The following PKDCC variants were observed in gnomAD, a reference collection of about 807,000 sequenced individuals.
PKDCC encodes extracellular tyrosine-protein kinase PKDCC.
In PKDCC, 35 loss-of-function variants were observed where a neutral mutation model predicts 44.7. That is an observed-to-expected ratio of 0.78 (90% CI 0.60 to 1.04). The LOEUF (loss-of-function observed/expected upper bound fraction) is 1.04. Among genes scored for constraint, PKDCC ranks in the 50% least tolerant of loss-of-function variants. PKDCC has a pLI of 0.00. For synonymous variants in PKDCC, 353 were observed against 303.3 expected (o/e 1.16, Z -1.70); for missense variants, 738 against 672.7 (o/e 1.10, Z -1.07).
chr2:42,050,181 C>G (rs1373437266), intron 1 of PKDCC, among the ~76,000 whole-genome samples: 2 of 152,208 alleles, frequency 1.3e-5, no homozygotes, highest in South Asian at 4.1e-4. Flanking sequence ...GGAGCTCGGG[C>G]AGAACCAACA....
rs775368250 is a variant in PKDCC, at chr2:42,057,898, G to A, written c.*210G>A. The A allele has an allele frequency of 6.4e-5, 37 of 575,308 alleles. No individual in the cohort carries two copies. The highest frequency in any genetic ancestry group is 1.1e-4 in the Non-Finnish European group (34 of 322,662). 35.6% of individuals were successfully genotyped at this position (575,308 alleles called of 1,614,324 possible). A position where few individuals can be genotyped will look rare whatever the true frequency, so the allele number is the denominator to read the frequency against. Reference sequence around the variant, plus strand: ...TACCAGCCTAGCTATGGGACTGCTGGCTCCTAGTCCAGGAATCATGGGGGT... The same window carrying A: ...TACCAGCCTAGCTATGGGACTGCTGACTCCTAGTCCAGGAATCATGGGGGT... On this transcript the variant is annotated 3_prime_UTR_variant, in exon 7 of 7. Coordinates refer to ENST00000294964, the MANE Select transcript of PKDCC (RefSeq NM_138370.3).
In PKDCC at chr2:42,051,282, C is replaced by G. The variant is rs1667962904; in HGVS notation, c.640-1957C>G. Among the ~76,000 whole-genome samples the G allele has an allele frequency of 6.6e-6, 1 of 151,654 alleles. No homozygotes were observed. ...CACTCCCTCACGTGACTTGACTCCT[C>G]TATAGCCCAGGGCCAAAGGGCACAA... is the stretch of plus-strand genomic sequence containing the variant. On this transcript the variant is annotated intron_variant, in intron 1 of 6. Transcript: ENST00000294964. This position sits in a 1 kb window ranked among gnomAD's most constrained non-coding sequence, Gnocchi z 4.2.
Position 42,055,373 on chromosome 2 carries a change from CCA to C in PKDCC, c.1204_1205del (p.Thr402GlyfsTer40). On this transcript the variant is annotated frameshift_variant, in exon 5 of 7. Transcript: ENST00000294964. LOFTEE classifies it high-confidence loss of function. This position sits in a 1 kb window ranked among gnomAD's most constrained non-coding sequence, Gnocchi z 4.5. ...CGGAGCGGGCAGTATCTGCAGAACT[CCA>C]CGGCAAGCAGCAGTACCGGTGAGTG... 1.9e-6 allele frequency: 3 copies of C among 1,613,604 alleles called. No individual in the cohort carries two copies. Among genetic ancestry groups the C allele is most frequent in the Non-Finnish European group, 2.5e-6 (3 of 1,179,964 alleles).
At chr2:42,053,849 A>C (rs528746228) in intron 2 of PKDCC, among the ~76,000 whole-genome samples, 187 bp from the exon 3 acceptor site, 1 of 152,126 alleles carries the variant, frequency 6.6e-6, no homozygotes, top group Non-Finnish European at 1.5e-5. Flanking sequence ...GCCGAGAGTT[A>C]ATAGAAAATC....
chr2:42,053,445 A>G, intron 2 of PKDCC, 84 bp downstream of exon 2: 2 of 1,489,082 alleles, frequency 1.3e-6, no homozygotes, highest in South Asian at 1.4e-5. Context: ...AGCAGCTCCC[A>G]CTCCTCCTCC....
Position 42,054,423 on chromosome 2 carries a change from G to T in PKDCC, c.1034+116G>T, listed in dbSNP as rs528942462. 75 of 1,242,938 alleles carry T rather than the reference G, an allele frequency of 6.0e-5. 2 individuals carry two copies. The South Asian group carries it at 1.1e-3, about 18-fold the overall frequency. 77.0% of individuals were successfully genotyped at this position (1,242,938 alleles called of 1,614,324 possible). On this transcript the variant is annotated intron_variant, in intron 3 of 6. Transcript: ENST00000294964. This position sits in a 1 kb window ranked among gnomAD's most constrained non-coding sequence, Gnocchi z 6.1. ...GCAGGGAGACTCAGCCTTGACCAGA[G>T]CAAGGGAAGGCTTCTACCCTGTCCA...
In PKDCC at chr2:42,048,387, G is replaced by T; in HGVS notation, c.188G>T (p.Arg63Leu). Residue 63 changes from arginine to leucine, a missense_variant, in exon 1 of 7, where the codon CGC becomes CTC. Arg to Leu is a moderately radical substitution (Grantham distance 102). Transcript: ENST00000294964. The surrounding 1 kb of genome is among the most constrained non-coding windows in gnomAD (Gnocchi z 6.2). ...GAGCTGGCCCGGCAGATCCGGGCGC[G>T]CTACGAGGAGGTGCAGCGCTATTCC... is the stretch of plus-strand genomic sequence containing the variant. ...RGELARQIRA[R>L]YEEVQRYSRG... 12 of 1,155,700 alleles carry T rather than the reference G, an allele frequency of 1.0e-5. No homozygotes were observed. Among genetic ancestry groups the T allele is most frequent in the Admixed American group, 4.9e-5 (1 of 20,506 alleles). 71.6% of individuals were successfully genotyped at this position (1,155,700 alleles called of 1,614,324 possible).
chr2:42,057,485 G>A (rs1351335201), intron 6 of PKDCC, 91 bp downstream of exon 6: 1 of 1,572,138 alleles, frequency 6.4e-7, no homozygotes, highest in East Asian at 2.3e-5. Flanking sequence ...GTCAGAGGGG[G>A]TGCTGAGGTG....
At chr2:42,057,567 C>A (rs1289386635) in intron 6 of PKDCC, 36 bp from the exon 7 acceptor site, 9 of 1,602,910 alleles carry the variant, frequency 5.6e-6, no homozygotes, top group Non-Finnish European at 7.7e-6. Flanking sequence ...GAAAGAGAAA[C>A]ATCCAGCCCT....
chr2:42,049,107 G>A (rs1288853250), intron 1 of PKDCC, among the ~76,000 whole-genome samples: 1 of 152,132 alleles, frequency 6.6e-6, no homozygotes, highest in Non-Finnish European at 1.5e-5. Context: ...AAACTCAGGG[G>A]GTGGGGCAGT....
chr2:42,051,692 C>A lies in PKDCC; in HGVS notation c.640-1547C>A, dbSNP rs1279736816. On this transcript the variant is annotated intron_variant, in intron 1 of 6. Transcript: ENST00000294964. The surrounding 1 kb of genome is among the most constrained non-coding windows in gnomAD (Gnocchi z 4.2). The stretch of plus-strand genomic sequence containing the variant: ...CACCAGGGTCTGGGGCTTCCCTGGA[C>A]TGATGGGGAGGGGGTGGAGAGAGAA... 6.6e-6 allele frequency among the ~76,000 whole-genome samples: 1 copy of A among 152,070 alleles called. No individual in the cohort carries two copies. The highest frequency in any genetic ancestry group is 2.4e-5 in the African/African-American group (1 of 41,408).
chr2:42,056,572 G>C (rs935775613), intron 5 of PKDCC, among the ~76,000 whole-genome samples: 19 of 152,104 alleles, frequency 1.2e-4, no homozygotes, highest in African/African-American at 4.3e-4. Context: ...TAGAAGTACA[G>C]ATTCTCAGTT....
rs1667922989 is a variant in PKDCC at position 42,048,966 on chromosome 2, A to C, written c.639+128A>C. 1 of 1,304,024 alleles carries C rather than the reference A, an allele frequency of 7.7e-7. No homozygotes were observed. The highest frequency in any genetic ancestry group is 1.5e-5 in the African/African-American group (1 of 67,196). The allele number at this position is 1,304,024 out of a possible 1,614,324, so 80.8% of individuals were successfully genotyped here. A position where few individuals can be genotyped will look rare whatever the true frequency, so the allele number is the denominator to read the frequency against. On this transcript the variant is annotated intron_variant, in intron 1 of 6. Coordinates refer to ENST00000294964, the MANE Select transcript of PKDCC (RefSeq NM_138370.3). The surrounding 1 kb of genome is among the most constrained non-coding windows in gnomAD (Gnocchi z 6.2). ...GCACCCAGGCTAAGCTAGACGCAGA[A>C]ACCGGACCATGGCCCTTCCCACTGC...
chr2:42,054,456 A>G lies in PKDCC; in HGVS notation c.1034+149A>G. 1.1e-6 allele frequency: 1 copy of G among 946,950 alleles called. No homozygotes were observed. The highest frequency in any genetic ancestry group is 2.9e-5 in the Admixed American group (1 of 34,890). 58.7% of individuals were successfully genotyped at this position (946,950 alleles called of 1,614,324 possible). A position where few individuals can be genotyped will look rare whatever the true frequency, so the allele number is the denominator to read the frequency against. ...AGGCTTCTACCCTGTCCAGAAGGGA[A>G]CATTCAGGCCTCTGATGGAGAGGCT... On this transcript the variant is annotated intron_variant, in intron 3 of 6. Coordinates refer to ENST00000294964, the MANE Select transcript of PKDCC (RefSeq NM_138370.3). The surrounding 1 kb of genome is among the most constrained non-coding windows in gnomAD (Gnocchi z 6.1).
chr2:42,055,391 C>G lies in PKDCC; in HGVS notation c.1220C>G (p.Thr407Ser), dbSNP rs1005828441. The G allele has an allele frequency of 1.2e-5, 19 of 1,612,800 alleles. No individual in the cohort carries two copies. The highest frequency in any genetic ancestry group is 1.4e-5 in the Non-Finnish European group (16 of 1,179,666). ...CAGAACTCCACGGCAAGCAGCAGTACCGGTGAGTGGCCCCAAGCTGATCCA... is the reference window on the plus strand; with the variant it reads ...CAGAACTCCACGGCAAGCAGCAGTAGCGGTGAGTGGCCCCAAGCTGATCCA... ...YLQNSTASSSTEYQCIPDSTI... is the reference protein window; with the variant it reads ...YLQNSTASSSSEYQCIPDSTI... The change falls in exon 5 of 7, where the codon ACC becomes AGC. Residue 407 changes from threonine to serine, a missense_variant and splice_region_variant. Thr to Ser is a moderately conservative substitution (Grantham distance 58, BLOSUM62 1). Coordinates refer to ENST00000294964, the MANE Select transcript of PKDCC (RefSeq NM_138370.3). This position sits in a 1 kb window ranked among gnomAD's most constrained non-coding sequence, Gnocchi z 4.5.
rs1411923295 is a variant in PKDCC, at chr2:42,054,783, C to T, written c.1035-158C>T. The T allele has an allele frequency of 8.2e-6, 6 of 735,802 alleles. No homozygotes were observed. The Admixed American group carries it at 1.2e-4, about 14-fold the overall frequency. 45.6% of individuals were successfully genotyped at this position (735,802 alleles called of 1,614,324 possible). On this transcript the variant is annotated intron_variant, in intron 3 of 6. Coordinates refer to ENST00000294964, the MANE Select transcript of PKDCC (RefSeq NM_138370.3). This position sits in a 1 kb window ranked among gnomAD's most constrained non-coding sequence, Gnocchi z 6.1. Reference sequence around the variant, plus strand: ...GGTGTTAGCATGTGCCCAGAACCCTCCCCCGAGGCTGAGTAGACTTCACTG... The same window carrying T: ...GGTGTTAGCATGTGCCCAGAACCCTTCCCCGAGGCTGAGTAGACTTCACTG...
At chr2:42,049,652 C>T (rs999655113) in intron 1 of PKDCC, among the ~76,000 whole-genome samples, 7 of 152,148 alleles carry the variant, frequency 4.6e-5, no homozygotes, top group Non-Finnish European at 8.8e-5. Context: ...GACTCTGCCT[C>T]GCCTGTTCAC....
intron 5 of PKDCC, among the ~76,000 whole-genome samples, chr2:42,056,216 C>G (rs1449955565): frequency 1.3e-5 from 2 of 152,020 alleles, no homozygotes; most frequent in African/African-American, 4.8e-5. Context: ...GGCCAGAGGC[C>G]CAGGGCTTCT....
In PKDCC at chr2:42,054,562, T is replaced by C; in HGVS notation, c.1034+255T>C. ...TTAAAATAGTGTTGGACTCGGAGCC[T>C]AGGGCTGGTGGAACTGGCACTTTTC... On this transcript the variant is annotated intron_variant, in intron 3 of 6. Coordinates refer to ENST00000294964, the MANE Select transcript of PKDCC (RefSeq NM_138370.3). The surrounding 1 kb of genome is among the most constrained non-coding windows in gnomAD (Gnocchi z 6.1). 1.8e-6 allele frequency: 1 copy of C among 561,988 alleles called. No homozygotes were observed. Among genetic ancestry groups the C allele is most frequent in the Non-Finnish European group, 3.1e-6 (1 of 319,478 alleles). 34.8% of individuals were successfully genotyped at this position (561,988 alleles called of 1,614,324 possible).
Sources: gnomAD v4.1 joint callset for allele counts (sites outside exome capture counted in the v4.1 genomes callset) on GRCh38, gnomAD v4.1.1 for gene constraint, Gnocchi (gnomAD v3.1) non-coding constraint, MANE v1.5 for transcripts, NCBI Gene and HGNC (gene_info 2026-07-23, HGNC 2026-07-21) for gene names.